NLGN1: variants seen among roughly 807,000 people sequenced by gnomAD.
NLGN1 encodes neuroligin 1, also known as neuroligin-1.
NLGN1 carries 12 observed loss-of-function variants against 65.5 expected under a neutral mutation model. That is an observed-to-expected ratio of 0.18 (90% CI 0.12 to 0.30). NLGN1 has a LOEUF of 0.30. Ranked by LOEUF, NLGN1 falls within the 10% of genes least tolerant of loss-of-function variation. The pLI, the probability that NLGN1 is intolerant of heterozygous loss-of-function variation, is 1.00. For missense variants in NLGN1, 750 were observed against 1,007.1 expected (o/e 0.74, Z 3.46); for synonymous variants, 350 against 359.5 (o/e 0.97, Z 0.30).
chr3:173,913,140 A>G (rs753692684), intron 4 of NLGN1, among the ~76,000 whole-genome samples: 1 of 152,172 alleles, frequency 6.6e-6, no homozygotes, highest in Non-Finnish European at 1.5e-5. Flanking sequence ...TGTTCTTGGT[A>G]TTCCCTGACC....
chr3:173,485,158 A>AT (rs1254463369), intron 2 of NLGN1, among the ~76,000 whole-genome samples: 1 of 146,930 alleles, frequency 6.8e-6, no homozygotes, highest in Non-Finnish European at 1.5e-5. Flanking sequence ...AAAAACTACC[A>AT]TTTTTAACTC....
intron 2 of NLGN1, among the ~76,000 whole-genome samples, chr3:173,591,225 G>A (rs534891070): frequency 2.0e-5 from 3 of 151,822 alleles, no homozygotes; most frequent in Non-Finnish European, 4.4e-5. Context: ...TTAATATATT[G>A]ATATACTATT....
intron 2 of NLGN1, among the ~76,000 whole-genome samples, chr3:173,515,277 GT>G (rs1733641188): frequency 6.6e-6 from 1 of 151,862 alleles, no homozygotes; most frequent in African/African-American, 2.4e-5. Flanking sequence ...TTTCCCACCC[GT>G]TAGTCATTTG....
chr3:174,001,482 C>A (rs116840542), intron 4 of NLGN1, among the ~76,000 whole-genome samples: 1,868 of 152,268 alleles, frequency 0.012, 20 homozygotes, highest in Non-Finnish European at 0.021. Flanking sequence ...ATGTGATAAA[C>A]TTCCAGAATG....
intron 4 of NLGN1, among the ~76,000 whole-genome samples, chr3:174,128,759 C>T (rs1423554974): frequency 6.6e-6 from 1 of 152,096 alleles, no homozygotes; most frequent in Non-Finnish European, 1.5e-5. Flanking sequence ...CCTGGACATT[C>T]AGGAAGGCTG....
intron 4 of NLGN1, among the ~76,000 whole-genome samples, chr3:174,117,676 C>T (rs1011540735): frequency 6.6e-6 from 1 of 151,970 alleles, no homozygotes; most frequent in Non-Finnish European, 1.5e-5. Flanking sequence ...TGAGGAATGG[C>T]CATGAGAGTG....
chr3:173,999,717 G>T (rs1038775314), intron 4 of NLGN1, among the ~76,000 whole-genome samples: 1 of 152,044 alleles, frequency 6.6e-6, no homozygotes, highest in Non-Finnish European at 1.5e-5. Flanking sequence ...ACCACATTTT[G>T]CCCAAAGCTG....
intron 3 of NLGN1, among the ~76,000 whole-genome samples, chr3:173,783,008 A>ATAAG (rs937281903): frequency 8.6e-5 from 13 of 151,946 alleles, no homozygotes; most frequent in Admixed American, 7.2e-4. Context: ...AAGAGAGGGA[A>ATAAG]TAAATATATA....
At chr3:173,756,644 G>A (rs1189865296) in intron 3 of NLGN1, among the ~76,000 whole-genome samples, 1 of 150,914 alleles carries the variant, frequency 6.6e-6, no homozygotes, top group Non-Finnish European at 1.5e-5. Flanking sequence ...CCCATTAATA[G>A]GAAACAGAAC....
In NLGN1 at chr3:174,279,754, C is replaced by T; in HGVS notation, c.1649+104C>T. 6.0e-6 allele frequency: 4 copies of T among 666,690 alleles called. No individual in the cohort carries two copies. The highest frequency in any genetic ancestry group is 1.0e-5 in the Non-Finnish European group (4 of 393,050). The allele number at this position is 666,690 out of a possible 1,614,324, so 41.3% of individuals were successfully genotyped here. On this transcript the variant is annotated intron_variant, in intron 6 of 6. Transcript: ENST00000457714. This position sits in a 1 kb window ranked among gnomAD's most constrained non-coding sequence, Gnocchi z 4.7. ...AGATAATGTCATATTGGATTAATAC[C>T]TGCAAGATATTACATTCCTTTATTC...
intron 4 of NLGN1, among the ~76,000 whole-genome samples, chr3:173,829,571 TTTGTG>T (rs1722079150): frequency 1.9e-5 from 2 of 103,768 alleles, no homozygotes; most frequent in Non-Finnish European, 3.8e-5. Context: ...TGTGTGTGTG[TTTGTG>T]TGTGTGTGTG....
chr3:173,716,575 A>G (rs1769885025), intron 3 of NLGN1, among the ~76,000 whole-genome samples: 1 of 152,100 alleles, frequency 6.6e-6, no homozygotes, highest in Non-Finnish European at 1.5e-5. Flanking sequence ...CTGAGGGGTC[A>G]GTTGATGCAC....
chr3:174,132,747 A>G (rs994078043), intron 4 of NLGN1, among the ~76,000 whole-genome samples: 88 of 152,200 alleles, frequency 5.8e-4, no homozygotes, highest in African/African-American at 2.0e-3. Flanking sequence ...AAGGACATTC[A>G]ATCCAACAAA....
At chr3:173,841,120 AAATT>A (rs61705609) in intron 4 of NLGN1, among the ~76,000 whole-genome samples, 6,615 of 145,540 alleles carry the variant, frequency 0.045, 337 homozygotes, top group East Asian at 0.18. Flanking sequence ...TCTACCAAAT[AAATT>A]ATCATTGTAT....
chr3:173,917,870 T>TGTGTGTGTGTGTGTGTGTG (rs10530688), intron 4 of NLGN1, among the ~76,000 whole-genome samples: 11 of 152,024 alleles, frequency 7.2e-5, no homozygotes, highest in African/African-American at 2.2e-4. Flanking sequence ...TGTGTGTGTG[T>TGTGTGTGTGTGTGTGTGTG]TGGCCTTTAT....
At position 173,613,575 on chromosome 3, in the gene NLGN1, C is replaced by A. The variant is rs550709229; in HGVS notation, c.493+8484C>A. Among the ~76,000 whole-genome samples, 11 of 152,192 alleles carry A rather than the reference C, an allele frequency of 7.2e-5. No homozygotes were observed. In the East Asian group the frequency reaches 1.9e-3, roughly 27 times the overall value. ...ATCCAGATGGTTGCTTATATGCAAA[C>A]ATGGTTTAAGTTAAAATGAAGATCC... On this transcript the variant is annotated intron_variant, in intron 3 of 6. Coordinates refer to ENST00000457714, the Ensembl canonical transcript of NLGN1.
intron 3 of NLGN1, among the ~76,000 whole-genome samples, chr3:173,793,600 C>T (rs1001560587): frequency 2.6e-5 from 4 of 152,012 alleles, no homozygotes; most frequent in Admixed American, 6.6e-5. Context: ...CATATTTAAT[C>T]AAAACTTTAG....
At chr3:173,906,940 A>T (rs1738541470) in intron 4 of NLGN1, among the ~76,000 whole-genome samples, 1 of 152,064 alleles carries the variant, frequency 6.6e-6, no homozygotes, top group South Asian at 2.1e-4. Context: ...TAATTAATAA[A>T]TGCTTGAAAA....
chr3:173,808,175 T>G (rs1717078157), intron 4 of NLGN1, among the ~76,000 whole-genome samples: 1 of 152,156 alleles, frequency 6.6e-6, no homozygotes, highest in African/African-American at 2.4e-5. Flanking sequence ...CCCTGAGGTT[T>G]GGCGTGAGCT....
Sources: allele counts gnomAD v4.1 joint callset (sites outside exome capture counted in the v4.1 genomes callset), GRCh38; gene constraint gnomAD v4.1.1; non-coding constraint Gnocchi (gnomAD v3.1); transcripts MANE v1.5; gene names NCBI Gene and HGNC (gene_info 2026-07-23, HGNC 2026-07-21).